STK33: variants seen among roughly 807,000 people sequenced by gnomAD.
STK33 encodes serine/threonine kinase 33, also known as serine/threonine-protein kinase 33.
In STK33, 52 loss-of-function variants were observed where a neutral mutation model predicts 58.0. The observed-to-expected ratio is 0.90, with a 90% CI of 0.72 to 1.13. The LOEUF is 1.13. STK33 is among the 50% of genes most tolerant of loss of function. STK33 has a pLI of 0.00. For missense variants in STK33, 630 were observed against 604.2 expected (o/e 1.04, Z -0.45); for synonymous variants, 215 against 200.1 (o/e 1.07, Z -0.63).
chr11:8,510,757 G>C (rs1952250083), intron 1 of STK33, among the ~76,000 whole-genome samples: 3 of 152,038 alleles, frequency 2.0e-5, no homozygotes, highest in Admixed American at 6.5e-5. Context: ...ATTGAATATG[G>C]TGTCCTTTTC....
chr11:8,399,584 A>C (rs1850014240), intron 15 of STK33, among the ~76,000 whole-genome samples: 1 of 152,204 alleles, frequency 6.6e-6, no homozygotes, highest in African/African-American at 2.4e-5. Flanking sequence ...AAACACATTC[A>C]AAAGCTAGCA....
intron 1 of STK33, among the ~76,000 whole-genome samples, chr11:8,564,320 G>C (rs1957309901): frequency 1.3e-5 from 2 of 152,188 alleles, no homozygotes. Context: ...ATTAAAAACA[G>C]AGATGAATAA....
intron 8 of STK33, among the ~76,000 whole-genome samples, chr11:8,461,552 T>C (rs917743255): frequency 1.3e-5 from 2 of 152,186 alleles, no homozygotes; most frequent in African/African-American, 4.8e-5. Context: ...GTGTATGAAG[T>C]TGTTGTAATT....
chr11:8,496,962 T>A (rs937125542), intron 1 of STK33, among the ~76,000 whole-genome samples: 1 of 152,150 alleles, frequency 6.6e-6, no homozygotes, highest in African/African-American at 2.4e-5. Flanking sequence ...AGAGGAAGCA[T>A]TGATTTATCT....
In STK33 at chr11:8,566,367, C is replaced by G. The variant is rs74053289; in HGVS notation, c.-466+27716G>C. 5.0e-3 allele frequency among the ~76,000 whole-genome samples: 758 copies of G among 152,298 alleles called. 7 individuals are homozygous for G. Among genetic ancestry groups the G allele is most frequent in the African/African-American group, 0.017 (714 of 41,578 alleles). ...TTGTCTTAAAATTATCAGAATATCT[C>G]TTAGTAAACACTCAATATTTTCACT... On this transcript the variant is annotated intron_variant, in intron 1 of 15. Coordinates refer to ENST00000687296, the MANE Select transcript of STK33 (RefSeq NM_001352389.2).
intron 1 of STK33, among the ~76,000 whole-genome samples, chr11:8,575,104 T>C (rs1210163829): frequency 1.3e-5 from 2 of 152,152 alleles, no homozygotes; most frequent in African/African-American, 4.8e-5. Flanking sequence ...AAATGACAAG[T>C]GTTGGTGAGG....
the STK33 span, among the ~76,000 whole-genome samples, chr11:8,371,176 C>T: frequency 3.3e-5 from 5 of 152,244 alleles, no homozygotes; most frequent in Admixed American, 6.5e-5. Context: ...TTGGTAAAAA[C>T]GCTCTTTGCA....
chr11:8,464,785 C>G lies in STK33; in HGVS notation c.377G>C (p.Ser126Thr). Residue 126 changes from serine (S) to threonine (T), a missense_variant, in exon 7 of 16, where the codon AGC becomes ACC. By Grantham distance (58) the Ser-to-Thr change is moderately conservative. Coordinates refer to ENST00000687296, the MANE Select transcript of STK33 (RefSeq NM_001352389.2). ...TGTCGCTTCAATGACTATTCCAAAG[C>G]TCCCTTTTCCCAATATTCTTCCAAA... ...YTFGRILGKG[S>T]FGIVIEATDK... 6.2e-7 allele frequency: 1 copy of G among 1,613,022 alleles called. No homozygotes were observed. Among genetic ancestry groups the G allele is most frequent in the Non-Finnish European group, 8.5e-7 (1 of 1,179,570 alleles).
intron 1 of STK33, among the ~76,000 whole-genome samples, chr11:8,544,061 G>A (rs1955722370): frequency 6.6e-6 from 1 of 151,788 alleles, no homozygotes; most frequent in South Asian, 2.1e-4. Flanking sequence ...TGCAGAATGT[G>A]CAGGTTTGTT....
the STK33 span, among the ~76,000 whole-genome samples, chr11:8,350,163 C>T: frequency 3.3e-4 from 51 of 152,346 alleles, no homozygotes; most frequent in Middle Eastern, 0.01. Flanking sequence ...TGAGGGCCAT[C>T]GGTGGCTCTG....
At chr11:8,452,014 C>A (rs1946341348) in intron 11 of STK33, among the ~76,000 whole-genome samples, 1 of 152,036 alleles carries the variant, frequency 6.6e-6, no homozygotes, top group African/African-American at 2.4e-5. Flanking sequence ...ATCAGCCCGG[C>A]CAACACGGCA....
the STK33 span, among the ~76,000 whole-genome samples, chr11:8,383,021 T>C: frequency 2.0e-5 from 3 of 152,190 alleles, no homozygotes; most frequent in African/African-American, 7.2e-5. Context: ...TTAAAGCCTG[T>C]CCTGGTAAAC....
At chr11:8,453,012 G>T in intron 10 of STK33, 106 bp from the exon 11 acceptor site, 1 of 981,294 alleles carries the variant, frequency 1.0e-6, no homozygotes, top group Non-Finnish European at 1.6e-6. Context: ...TGGGGTTCTT[G>T]GGGGTGGGAG....
At chr11:8,354,733 G>T in the STK33 span, among the ~76,000 whole-genome samples, 1 of 152,258 alleles carries the variant, frequency 6.6e-6, no homozygotes, top group African/African-American at 2.4e-5. Flanking sequence ...AGCTCCCTGA[G>T]GAGCAGCAGC....
chr11:8,343,537 C>T, the STK33 span, among the ~76,000 whole-genome samples: 1 of 152,100 alleles, frequency 6.6e-6, no homozygotes, highest in Non-Finnish European at 1.5e-5. Context: ...GGAAATCCCC[C>T]GCACACTCGG....
intron 15 of STK33, among the ~76,000 whole-genome samples, chr11:8,401,711 A>C (rs1340637194): frequency 6.6e-6 from 1 of 152,240 alleles, no homozygotes; most frequent in East Asian, 1.9e-4. Context: ...AAATTTTTGC[A>C]ATCTACTCAT....
At chr11:8,566,264 A>T (rs1210681955) in intron 1 of STK33, among the ~76,000 whole-genome samples, 1 of 152,002 alleles carries the variant, frequency 6.6e-6, no homozygotes, top group East Asian at 1.9e-4. Context: ...TCTTAATTCA[A>T]CTCCTTGTTA....
intron 1 of STK33, among the ~76,000 whole-genome samples, chr11:8,591,854 G>T (rs1186860497): frequency 6.7e-6 from 1 of 149,734 alleles, no homozygotes; most frequent in Non-Finnish European, 1.5e-5. Flanking sequence ...GGGGAGTGGG[G>T]AGGGATAGCA....
chr11:8,402,453 C>T (rs147506815), intron 15 of STK33, among the ~76,000 whole-genome samples: 4,208 of 152,006 alleles, frequency 0.028, 97 homozygotes, highest in Middle Eastern at 0.051. Context: ...CATCACACAC[C>T]GGGGCCTGTT....
Sources: gnomAD v4.1 joint callset for allele counts (sites outside exome capture counted in the v4.1 genomes callset) on GRCh38, gnomAD v4.1.1 for gene constraint, MANE v1.5 for transcripts, NCBI Gene and HGNC (gene_info 2026-07-23, HGNC 2026-07-21) for gene names.